MYO10: variants seen among roughly 807,000 people sequenced by gnomAD.
MYO10 encodes the protein unconventional myosin-X.
MYO10 carries 133 observed loss-of-function variants against 257.3 expected under a neutral mutation model. The ratio of observed to expected loss-of-function variants is 0.52; its 90% CI spans 0.45 to 0.60. The LOEUF is 0.60. Among genes scored for constraint, MYO10 ranks in the 20% least tolerant of loss-of-function variants. The probability of loss-of-function intolerance (pLI) is 0.00; values close to 1 mark genes in which losing one functional copy is unlikely to be tolerated. For missense variants in MYO10, 2,399 were observed against 2,635.7 expected (o/e 0.91, Z 1.97); for synonymous variants, 1,104 against 1,028.6 (o/e 1.07, Z -1.40).
At chr5:16,911,212 A>G (rs1488612652) in intron 1 of MYO10, among the ~76,000 whole-genome samples, 1 of 152,140 alleles carries the variant, frequency 6.6e-6, no homozygotes, top group Admixed American at 6.6e-5. Context: ...CATAAATCTA[A>G]CCTAGATACC....
chr5:16,752,905 C>A (rs1740421368), intron 19 of MYO10, among the ~76,000 whole-genome samples: 1 of 152,076 alleles, frequency 6.6e-6, no homozygotes, highest in African/African-American at 2.4e-5. Flanking sequence ...TTGGTGATAA[C>A]CTTAAATATT....
At chr5:16,685,680 G>A (rs1373797559) in intron 29 of MYO10, 58 bp downstream of exon 29, 2 of 1,236,882 alleles carry the variant, frequency 1.6e-6, no homozygotes, top group Non-Finnish European at 2.3e-6. Context: ...CCATCCTGAC[G>A]CCCTCCCCGT....
chr5:16,672,591 G>A (rs1736520717), intron 37 of MYO10, 98 bp downstream of exon 37: 3 of 1,428,308 alleles, frequency 2.1e-6, no homozygotes, highest in Non-Finnish European at 2.9e-6. Context: ...CTCCAATACA[G>A]CGTGAAGCCA....
chr5:16,816,577 T>C (rs1441327323), intron 3 of MYO10, among the ~76,000 whole-genome samples: 2 of 151,336 alleles, frequency 1.3e-5, no homozygotes, highest in East Asian at 3.9e-4. Flanking sequence ...TGTCGCCTGG[T>C]TGGAGTGCAG....
chr5:16,677,433 T>TTTTTTTTTCTG (rs1363770924), intron 33 of MYO10, among the ~76,000 whole-genome samples: 1 of 145,256 alleles, frequency 6.9e-6, no homozygotes, highest in African/African-American at 2.7e-5. Flanking sequence ...TTTTTTTTTT[T>TTTTTTTTTCTG]GAGACGGAGT....
chr5:16,925,663 C>T (rs1309315724), intron 1 of MYO10, among the ~76,000 whole-genome samples: 1 of 152,160 alleles, frequency 6.6e-6, no homozygotes, highest in Admixed American at 6.5e-5. Flanking sequence ...CCACCCGCCT[C>T]GGCATCCCAA....
At chr5:16,682,294 A>G (rs1228956782) in intron 30 of MYO10, among the ~76,000 whole-genome samples, 2 of 152,198 alleles carry the variant, frequency 1.3e-5, no homozygotes, top group African/African-American at 4.8e-5. Context: ...AGTTCCGGGA[A>G]GGCTAAACAA....
At chr5:16,792,392 C>T (rs957960498) in intron 4 of MYO10, among the ~76,000 whole-genome samples, 1 of 152,146 alleles carries the variant, frequency 6.6e-6, no homozygotes, top group African/African-American at 2.4e-5. Flanking sequence ...CGATGCCTGG[C>T]AAGCTCTTGG....
At chr5:16,895,654 G>C (rs1745194717) in intron 1 of MYO10, among the ~76,000 whole-genome samples, 1 of 151,710 alleles carries the variant, frequency 6.6e-6, no homozygotes, top group South Asian at 2.1e-4. Context: ...TTTCCTAGGG[G>C]TGGATTCCAG....
intron 38 of MYO10, 125 bp downstream of exon 38, chr5:16,671,297 G>C: frequency 8.2e-7 from 1 of 1,221,868 alleles, no homozygotes; most frequent in Non-Finnish European, 1.1e-6. Context: ...AGCTGGTCTT[G>C]TCTTTGCTGG....
chr5:16,918,999 T>C (rs747917639), intron 1 of MYO10, among the ~76,000 whole-genome samples: 5 of 152,224 alleles, frequency 3.3e-5, no homozygotes, highest in Admixed American at 2.0e-4. Flanking sequence ...GGACTTGTAT[T>C]ACCTGACTGT....
intron 1 of MYO10, among the ~76,000 whole-genome samples, chr5:16,917,607 A>G (rs1443276317): frequency 2.0e-5 from 3 of 151,882 alleles, no homozygotes; most frequent in Non-Finnish European, 4.4e-5. Flanking sequence ...TATTCCCAGC[A>G]CTTTGGGAGG....
At chr5:16,749,226 C>CAGTG (rs1282358857) in intron 19 of MYO10, among the ~76,000 whole-genome samples, 2 of 152,108 alleles carry the variant, frequency 1.3e-5, no homozygotes, top group East Asian at 3.9e-4. Context: ...ATGCTGCACG[C>CAGTG]AGTGGCTCCC....
intron 29 of MYO10, among the ~76,000 whole-genome samples, 171 bp downstream of exon 29, chr5:16,685,562 TTATTG>T (rs964381587): frequency 6.6e-6 from 1 of 152,180 alleles, no homozygotes; most frequent in Non-Finnish European, 1.5e-5. Context: ...ATTATATTTA[TTATTG>T]TATTGATTCT....
intron 19 of MYO10, among the ~76,000 whole-genome samples, chr5:16,749,185 T>C (rs1023997849): frequency 6.6e-6 from 1 of 152,156 alleles, no homozygotes; most frequent in Non-Finnish European, 1.5e-5. Flanking sequence ...ACAGGCATCT[T>C]TCCCTTCTTC....
chr5:16,683,991 C>A, intron 29 of MYO10, 56 bp from the exon 30 acceptor site: 1 of 1,512,830 alleles, frequency 6.6e-7, no homozygotes, highest in Non-Finnish European at 9.1e-7. Flanking sequence ...AGGGTGCACA[C>A]TACAGTAATA....
intron 1 of MYO10, among the ~76,000 whole-genome samples, chr5:16,893,892 G>A (rs556040732): frequency 2.6e-5 from 4 of 152,312 alleles, no homozygotes; most frequent in African/African-American, 9.6e-5. Flanking sequence ...CTCCCCAGCA[G>A]TGGGTGGGCA....
intron 2 of MYO10, among the ~76,000 whole-genome samples, chr5:16,827,349 T>C (rs1415076979): frequency 6.6e-6 from 1 of 152,140 alleles, no homozygotes; most frequent in Non-Finnish European, 1.5e-5. Flanking sequence ...AGTGGCACAG[T>C]CTCGACTCAC....
At position 16,917,151 on chromosome 5, in the gene MYO10, C is replaced by T. The variant is rs145335274; in HGVS notation, c.21+18637G>A. 1.9e-3 allele frequency among the ~76,000 whole-genome samples: 288 copies of T among 152,002 alleles called. 2 individuals are homozygous for T. The highest frequency in any genetic ancestry group is 3.2e-3 in the Non-Finnish European group (215 of 67,980). On this transcript the variant is annotated intron_variant, in intron 1 of 40. Coordinates refer to ENST00000513610, the MANE Select transcript of MYO10 (RefSeq NM_012334.3). ...CTATAGATCTAGATATTTAATATAA[C>T]CAAGTTGTACTAAATATAATGCCGG...
Sources: allele counts gnomAD v4.1 joint callset (sites outside exome capture counted in the v4.1 genomes callset), GRCh38; gene constraint gnomAD v4.1.1; transcripts MANE v1.5; gene names NCBI Gene and HGNC (gene_info 2026-07-23, HGNC 2026-07-21).